RHOJ: variants seen among roughly 807,000 people sequenced by gnomAD.
The protein encoded by RHOJ is ras homolog family member J, also known as rho-related GTP-binding protein RhoJ.
In RHOJ, 11 loss-of-function variants were observed where a neutral mutation model predicts 23.4. The ratio of observed to expected loss-of-function variants is 0.47; its 90% confidence interval spans 0.30 to 0.78. RHOJ has a LOEUF of 0.78. Ranked by LOEUF, RHOJ falls within the 30% of genes least tolerant of loss-of-function variation. RHOJ has a pLI of 0.08. For missense variants in RHOJ, 254 were observed against 273.4 expected, an observed-to-expected ratio of 0.93 and a Z score of 0.50; for synonymous variants, 102 against 102.7, an observed-to-expected ratio of 0.99 and a Z score of 0.04.
chr14:63,212,565 C>T (rs934793086), intron 1 of RHOJ, among the ~76,000 whole-genome samples: 2 of 152,112 alleles, frequency 1.3e-5, no homozygotes, highest in Admixed American at 6.5e-5. Context: ...CAATTTGCCC[C>T]ATGCGGTGGT....
chr14:63,251,406 T>C (rs1356035136), intron 1 of RHOJ, among the ~76,000 whole-genome samples: 1 of 152,248 alleles, frequency 6.6e-6, no homozygotes, highest in Non-Finnish European at 1.5e-5. Context: ...CCTTGTTCAC[T>C]ACATTATTGT....
At chr14:63,258,933 T>C (rs1895226271) in intron 1 of RHOJ, among the ~76,000 whole-genome samples, 1 of 152,210 alleles carries the variant, frequency 6.6e-6, no homozygotes, top group South Asian at 2.1e-4. Flanking sequence ...TTGAGTTGCA[T>C]TTTTTAAATG....
At chr14:63,243,981 T>C (rs552513306) in intron 1 of RHOJ, among the ~76,000 whole-genome samples, 1 of 152,202 alleles carries the variant, frequency 6.6e-6, no homozygotes, top group Non-Finnish European at 1.5e-5. Context: ...TAGATGACCT[T>C]CTATAACTGA....
chr14:63,280,499 T>C (rs953279520), intron 2 of RHOJ, among the ~76,000 whole-genome samples: 2 of 152,172 alleles, frequency 1.3e-5, no homozygotes, highest in African/African-American at 4.8e-5. Flanking sequence ...CTATATTGCA[T>C]ACTGGAAATA....
At position 63,205,012 on chromosome 14, in the gene RHOJ, A is replaced by G. The variant is rs149060300; in HGVS notation, c.143A>G (p.Glu48Gly). Residue 48 changes from glutamate to glycine, a missense_variant, in exon 1 of 5, where the codon GAG becomes GGG. Coordinates refer to ENST00000316754, the MANE Select transcript of RHOJ (RefSeq NM_020663.5). ...AGCTACGCCAACGACGCCTTCCCAG[A>G]GGAATACGTGCCCACTGTGTTTGAC... ...LMSYANDAFP[E>G]EYVPTVFDHY... The G allele has an allele frequency of 1.6e-4, 255 of 1,614,236 alleles. No individual in the cohort carries two copies. Among genetic ancestry groups the G allele is most frequent in the Non-Finnish European group, 1.8e-4 (217 of 1,180,042 alleles).
chr14:63,265,379 A>G (rs765808283), intron 1 of RHOJ, among the ~76,000 whole-genome samples: 38 of 152,126 alleles, frequency 2.5e-4, no homozygotes, highest in Admixed American at 1.0e-3. Flanking sequence ...CCACTGGTCT[A>G]TGTGTCTGTT....
chr14:63,266,788 T>G (rs1011000925), intron 1 of RHOJ, among the ~76,000 whole-genome samples: 5 of 152,222 alleles, frequency 3.3e-5, no homozygotes, highest in African/African-American at 1.2e-4. Flanking sequence ...ATTTATCAAT[T>G]CTATGAGCCT....
At chr14:63,207,950 GA>G (rs1894150230) in intron 1 of RHOJ, among the ~76,000 whole-genome samples, 1 of 152,138 alleles carries the variant, frequency 6.6e-6, no homozygotes, top group East Asian at 1.9e-4. Context: ...CCAGGAAAAG[GA>G]ATGAAAATGT....
At chr14:63,284,544 A>G (rs1044971627) in intron 4 of RHOJ, among the ~76,000 whole-genome samples, 3 of 152,036 alleles carry the variant, frequency 2.0e-5, no homozygotes, top group African/African-American at 7.2e-5. Context: ...GGACATCACC[A>G]CTCGTGTACC....
At chr14:63,231,141 G>A (rs993743305) in intron 1 of RHOJ, among the ~76,000 whole-genome samples, 10 of 151,952 alleles carry the variant, frequency 6.6e-5, no homozygotes, top group African/African-American at 1.9e-4. Context: ...TGCCTGCCTC[G>A]GCCTCCCAAA....
intron 1 of RHOJ, among the ~76,000 whole-genome samples, chr14:63,208,716 C>G (rs1235355795): frequency 1.4e-4 from 21 of 152,130 alleles, no homozygotes; most frequent in Admixed American, 1.4e-3. Context: ...GTCCCTGGGT[C>G]CTCTTCTTTA....
At chr14:63,206,603 C>T (rs970352667) in intron 1 of RHOJ, among the ~76,000 whole-genome samples, 2 of 152,118 alleles carry the variant, frequency 1.3e-5, no homozygotes, top group Admixed American at 6.5e-5. Flanking sequence ...GCCTATGAAA[C>T]TTATGTATCC....
chr14:63,228,728 A>T (rs538366555), intron 1 of RHOJ, among the ~76,000 whole-genome samples: 1 of 152,328 alleles, frequency 6.6e-6, no homozygotes, highest in Admixed American at 6.5e-5. Context: ...CCAATCATCT[A>T]TTGGAGGTTG....
intron 1 of RHOJ, among the ~76,000 whole-genome samples, chr14:63,250,519 C>T (rs530940841): frequency 6.6e-5 from 10 of 152,250 alleles, no homozygotes; most frequent in Middle Eastern, 3.4e-3. Context: ...GGATTACAAG[C>T]GTGAGCTACT....
At chr14:63,258,762 T>C (rs1433423708) in intron 1 of RHOJ, among the ~76,000 whole-genome samples, 1 of 152,142 alleles carries the variant, frequency 6.6e-6, no homozygotes, top group Admixed American at 6.5e-5. Context: ...AGAAGGTGGT[T>C]TTAAGAAGCA....
intron 2 of RHOJ, among the ~76,000 whole-genome samples, chr14:63,277,656 G>A (rs569649143): frequency 4.6e-5 from 7 of 152,208 alleles, no homozygotes; most frequent in East Asian, 1.9e-4. Flanking sequence ...TATTTACTGC[G>A]GAAAGAGTAC....
intron 1 of RHOJ, among the ~76,000 whole-genome samples, chr14:63,238,915 T>G (rs1198070175): frequency 6.6e-6 from 1 of 152,206 alleles, no homozygotes. Flanking sequence ...AACATGCCCA[T>G]GGTGGCATCA....
At chr14:63,271,754 C>T (rs1213920384) in intron 2 of RHOJ, among the ~76,000 whole-genome samples, 1 of 152,178 alleles carries the variant, frequency 6.6e-6, no homozygotes, top group Non-Finnish European at 1.5e-5. Context: ...GCCACCACAC[C>T]CAGCTAATTT....
intron 4 of RHOJ, 171 bp downstream of exon 4, chr14:63,283,387 T>C: frequency 1.7e-6 from 1 of 600,506 alleles, no homozygotes; most frequent in Non-Finnish European, 3.0e-6. Flanking sequence ...AAGGAGCCAT[T>C]TGGTTAGCCT....
Sources: allele counts gnomAD v4.1 joint callset (sites outside exome capture counted in the v4.1 genomes callset), GRCh38; gene constraint gnomAD v4.1.1; transcripts MANE v1.5; gene names NCBI Gene and HGNC (gene_info 2026-07-23, HGNC 2026-07-21).